Variants in ZNF248 observed in about 807,000 individuals in gnomAD.
The protein encoded by ZNF248 is KRAB protein domain.
In ZNF248, 20 loss-of-function variants were observed where a neutral mutation model predicts 44.3. The ratio of observed to expected loss-of-function variants is 0.45; its 90% CI spans 0.32 to 0.66. The LOEUF (loss-of-function observed/expected upper bound fraction) is 0.66, where lower values mean the gene tolerates loss of function less well. Ranked by LOEUF, ZNF248 falls within the 30% of genes least tolerant of loss-of-function variation. The pLI is 0.04. For missense variants in ZNF248, 654 were observed against 677.0 expected, an observed-to-expected ratio of 0.97 and a Z score of 0.38; for synonymous variants, 224 against 229.0, an observed-to-expected ratio of 0.98 and a Z score of 0.20.
In ZNF248 at chr10:37,788,262, TA is replaced by T. The variant is rs59927437; in HGVS notation, c.331-11688del. On this transcript the variant is annotated intron_variant, in intron 6 of 6. Coordinates refer to the ZNF248 transcript ENST00000615949. ...CCTGGGCAACAGTGAGACTCCATCT[TA>T]AAAAAAAAAAAAAAAAAAGAAAACA... Among the ~76,000 whole-genome samples the T allele has an allele frequency of 9.1e-3, 1,009 of 110,302 alleles. 2 individuals are homozygous for T. Among genetic ancestry groups the T allele is most frequent in the Middle Eastern group, 0.028 (5 of 180 alleles). 72.4% of individuals were successfully genotyped at this position (110,302 alleles called of 152,430 possible). A position where few individuals can be genotyped will look rare whatever the true frequency, so the allele number is the denominator to read the frequency against.
chr10:37,800,202 T>C (rs2049644579), intron 6 of ZNF248, among the ~76,000 whole-genome samples: 1 of 152,200 alleles, frequency 6.6e-6, no homozygotes, highest in Non-Finnish European at 1.5e-5. Flanking sequence ...GGTTTACAGA[T>C]TATTTTGTCA....
chr10:37,763,540 T>C, the ZNF248 span, among the ~76,000 whole-genome samples: 1 of 152,222 alleles, frequency 6.6e-6, no homozygotes, highest in African/African-American at 2.4e-5. Flanking sequence ...ATGTATCAAA[T>C]ATTATTTCAC....
downstream of ZNF248, among the ~76,000 whole-genome samples, chr10:37,774,869 C>G (rs932755547): frequency 2.0e-5 from 3 of 152,172 alleles, no homozygotes; most frequent in African/African-American, 7.2e-5. Flanking sequence ...CAACCTCTGC[C>G]TCCAGGGTTC....
intron 5 of ZNF248, among the ~76,000 whole-genome samples, chr10:37,834,087 T>C (rs933632331): frequency 6.6e-6 from 1 of 152,066 alleles, no homozygotes; most frequent in Admixed American, 6.6e-5. Context: ...ATTTTATCCT[T>C]ATCTCTCCTT....
At chr10:37,815,837 C>T (rs2052357692) in intron 6 of ZNF248, among the ~76,000 whole-genome samples, 1 of 151,968 alleles carries the variant, frequency 6.6e-6, no homozygotes, top group African/African-American at 2.4e-5. Flanking sequence ...AGGGTGTCTG[C>T]ATATGAAAGA....
Position 37,829,493 on chromosome 10 carries a change from GA to G in ZNF248, c.*2121del. The G allele has an allele frequency of 1.0e-6, 1 of 984,916 alleles. No homozygotes were observed. The highest frequency in any genetic ancestry group is 1.1e-4 in the East Asian group (1 of 8,800). 61.0% of individuals were successfully genotyped at this position (984,916 alleles called of 1,614,324 possible). Reference sequence around the variant, plus strand: ...TTACCATATAGAACATTAACACTTAGAAAAATATTCCTCTGTGTCAGCTGGA... The same window carrying G: ...TTACCATATAGAACATTAACACTTAGAAAATATTCCTCTGTGTCAGCTGGA... On this transcript the variant is annotated 3_prime_UTR_variant, in exon 6 of 6. Coordinates refer to ENST00000395867, the MANE Select transcript of ZNF248 (RefSeq NM_021045.3).
At chr10:37,810,548 A>G (rs2051326808) in intron 6 of ZNF248, among the ~76,000 whole-genome samples, 1 of 152,192 alleles carries the variant, frequency 6.6e-6, no homozygotes, top group African/African-American at 2.4e-5. Context: ...TTTTTCCAAC[A>G]TATTGGAAAA....
the ZNF248 span, among the ~76,000 whole-genome samples, chr10:37,766,694 G>T: frequency 9.2e-5 from 14 of 152,140 alleles, no homozygotes; most frequent in African/African-American, 2.4e-4. Flanking sequence ...TAGAAAAACT[G>T]GAAACTCTAA....
intron 6 of ZNF248, among the ~76,000 whole-genome samples, chr10:37,793,101 C>T (rs781212822): frequency 6.6e-6 from 1 of 151,860 alleles, no homozygotes; most frequent in Non-Finnish European, 1.5e-5. Flanking sequence ...TGGGAGGCTG[C>T]GGCAGGCGGA....
In ZNF248 at chr10:37,837,508, G is replaced by A. The variant is rs530048974; in HGVS notation, c.238+109C>T. 74 of 846,392 alleles carry A rather than the reference G, an allele frequency of 8.7e-5. No individual in the cohort carries two copies. The South Asian group carries it at 1.2e-3, about 14-fold the overall frequency. The allele number at this position is 846,392 out of a possible 1,614,324, so 52.4% of individuals were successfully genotyped here. A position where few individuals can be genotyped will look rare whatever the true frequency, so the allele number is the denominator to read the frequency against. The stretch of plus-strand genomic sequence containing the variant: ...TTTTTGATCATTTCCAAAGGTCTGG[G>A]GCTAAAAAGAGACATTTGTGAAAAA... On this transcript the variant is annotated intron_variant, in intron 5 of 5. Coordinates refer to ENST00000395867, the MANE Select transcript of ZNF248 (RefSeq NM_021045.3).
intron 3 of ZNF248, among the ~76,000 whole-genome samples, chr10:37,838,322 A>G (rs987584376): frequency 2.0e-5 from 3 of 152,198 alleles, no homozygotes; most frequent in African/African-American, 7.2e-5. Flanking sequence ...CTACTGGTGA[A>G]AACAGACAAA....
intron 6 of ZNF248, among the ~76,000 whole-genome samples, chr10:37,804,102 T>TC (rs2050189090): frequency 4.4e-5 from 1 of 22,858 alleles, no homozygotes; most frequent in Non-Finnish European, 8.8e-5. Flanking sequence ...TTTCTTTTTC[T>TC]TTTTTTTTTT....
At chr10:37,772,675 C>T (rs1437034658), downstream of ZNF248, among the ~76,000 whole-genome samples, 1 of 152,164 alleles carries the variant, frequency 6.6e-6, no homozygotes, top group Admixed American at 6.5e-5. Context: ...TATGAGAAAC[C>T]TGCACTTTAG....
chr10:37,829,578 G>T lies in ZNF248; in HGVS notation c.*2037C>A, dbSNP rs905219072. The T allele has an allele frequency of 2.0e-6, 2 of 985,174 alleles. No individual in the cohort carries two copies. The highest frequency in any genetic ancestry group is 1.1e-4 in the East Asian group (1 of 8,810). 61.0% of individuals were successfully genotyped at this position (985,174 alleles called of 1,614,324 possible). On this transcript the variant is annotated 3_prime_UTR_variant, in exon 6 of 6. Transcript: ENST00000395867. ...GACCAAATAAAAAACAGTTATTGAG[G>T]GTTATAAAAAGTCCCAGTAGAGAAC...
downstream of ZNF248, among the ~76,000 whole-genome samples, chr10:37,824,202 CT>C (rs1490309596): frequency 6.6e-6 from 1 of 152,118 alleles, no homozygotes; most frequent in Non-Finnish European, 1.5e-5. Flanking sequence ...CAGGAAAAAG[CT>C]GATATCCAGT....
chr10:37,789,041 T>A (rs890842163), intron 6 of ZNF248, among the ~76,000 whole-genome samples: 3 of 152,140 alleles, frequency 2.0e-5, no homozygotes, highest in Admixed American at 2.0e-4. Flanking sequence ...CCGGCTAAAG[T>A]TTACATTTTT....
At chr10:37,781,610 T>C (rs1028080200) in intron 6 of ZNF248, among the ~76,000 whole-genome samples, 1 of 151,698 alleles carries the variant, frequency 6.6e-6, no homozygotes, top group African/African-American at 2.4e-5. Flanking sequence ...CTCGGGGACT[T>C]CAGTGTACCA....
chr10:37,832,683 A>T lies in ZNF248; in HGVS notation c.672T>A (p.His224Gln). ...TATTTGTAAAAAATGCTGCCTCATC[A>T]TGGAAGCCTTGTCCATTTTTACTAT... ...FEYSKNGQGF[H>Q]DEAAFFTNKR... Residue 224 changes from histidine to glutamine, a missense_variant, in exon 6 of 6, where the codon CAT (histidine) becomes CAA (glutamine). His to Gln is a conservative substitution (Grantham distance 24). Transcript: ENST00000395867. 1 of 1,613,468 alleles carries T rather than the reference A, an allele frequency of 6.2e-7. No individual in the cohort carries two copies. The highest frequency in any genetic ancestry group is 8.5e-7 in the Non-Finnish European group (1 of 1,179,876).
the ZNF248 span, among the ~76,000 whole-genome samples, chr10:37,763,276 C>T: frequency 6.6e-6 from 1 of 152,236 alleles, no homozygotes; most frequent in African/African-American, 2.4e-5. Context: ...AATTTTCAGT[C>T]AGCCATTTGG....
Sources: allele counts gnomAD v4.1 joint callset (sites outside exome capture counted in the v4.1 genomes callset), GRCh38; gene constraint gnomAD v4.1.1; transcripts MANE v1.5; gene names NCBI Gene and HGNC (gene_info 2026-07-23, HGNC 2026-07-21).